The following NCKAP5 variants were observed in gnomAD, a reference collection of about 807,000 sequenced individuals.
NCKAP5 encodes NCK associated protein 5.
A neutral mutation model predicts 167.0 loss-of-function variants in NCKAP5; 92 were observed. The ratio of observed to expected loss-of-function variants is 0.55; its 90% CI spans 0.47 to 0.66. The LOEUF (loss-of-function observed/expected upper bound fraction) is 0.66. NCKAP5 is among the 30% of genes least tolerant of loss of function. NCKAP5 has a pLI of 0.00. For synonymous variants in NCKAP5, 891 were observed against 877.4 expected (o/e 1.02, Z -0.27); for missense variants, 2,378 against 2,315.0 (o/e 1.03, Z -0.56).
intron 3 of NCKAP5, among the ~76,000 whole-genome samples, chr2:133,387,270 G>C (rs1175428776): frequency 6.6e-6 from 1 of 152,146 alleles, no homozygotes; most frequent in African/African-American, 2.4e-5. Flanking sequence ...GCAGTTGCTT[G>C]TCTGTAAAGG....
rs149600646 is a variant in NCKAP5, at chr2:133,479,449, T to A, written c.69+38009A>T. ...CAGTTCTGGTTATTGTCAAAACTGA[T>A]GTTTCTCCACCATGGAAGGGAACAT... On this transcript the variant is annotated intron_variant, in intron 3 of 19. Coordinates refer to ENST00000409261, the MANE Select transcript of NCKAP5 (RefSeq NM_207363.3). 7.5e-4 allele frequency among the ~76,000 whole-genome samples: 114 copies of A among 152,312 alleles called. 1 individual carries two copies. In the East Asian group the frequency reaches 0.02, roughly 27 times the overall value.
intron 4 of NCKAP5, among the ~76,000 whole-genome samples, chr2:133,293,947 A>G (rs1178617579): frequency 1.3e-5 from 2 of 152,180 alleles, no homozygotes; most frequent in Non-Finnish European, 2.9e-5. Context: ...ACAGGGAAAG[A>G]TAATGTGAGG....
At chr2:133,617,265 C>A in the NCKAP5 span, among the ~76,000 whole-genome samples, 1 of 152,176 alleles carries the variant, frequency 6.6e-6, no homozygotes, top group Non-Finnish European at 1.5e-5. Context: ...CCCTCTCTCT[C>A]CACTCCTATT....
intron 6 of NCKAP5, among the ~76,000 whole-genome samples, chr2:133,049,001 C>T (rs1466535890): frequency 2.0e-5 from 3 of 152,144 alleles, no homozygotes; most frequent in African/African-American, 4.8e-5. Flanking sequence ...AAACACACTA[C>T]GATCAACCAG....
At chr2:133,205,459 T>C (rs1054939263) in intron 5 of NCKAP5, among the ~76,000 whole-genome samples, 4 of 152,140 alleles carry the variant, frequency 2.6e-5, no homozygotes, top group African/African-American at 9.7e-5. Flanking sequence ...TACTTCAAGG[T>C]TTTTCATTCT....
At chr2:133,117,374 C>T (rs1322058972) in intron 6 of NCKAP5, 9 of 152,290 alleles carry the variant, frequency 5.9e-5, no homozygotes, top group South Asian at 2.1e-4. Flanking sequence ...CTTAGTCCTT[C>T]GCCTCTCCGG....
intron 4 of NCKAP5, among the ~76,000 whole-genome samples, chr2:133,235,859 G>T (rs2087384995): frequency 6.6e-6 from 1 of 150,590 alleles, no homozygotes; most frequent in South Asian, 2.1e-4. Context: ...AGCCGAGATT[G>T]TGCCATCGCA....
At chr2:132,812,457 CT>C (rs1355265284) in intron 11 of NCKAP5, among the ~76,000 whole-genome samples, 2 of 152,152 alleles carry the variant, frequency 1.3e-5, no homozygotes, top group South Asian at 2.1e-4. Flanking sequence ...AGGACTGCCC[CT>C]ATGGCACCTC....
chr2:133,317,327 G>C (rs1681680508), intron 3 of NCKAP5, among the ~76,000 whole-genome samples: 1 of 152,122 alleles, frequency 6.6e-6, no homozygotes, highest in African/African-American at 2.4e-5. Flanking sequence ...GAGCAGGAGG[G>C]ACCTCTTGGG....
chr2:132,762,735 G>A (rs1681114402), intron 16 of NCKAP5, among the ~76,000 whole-genome samples: 2 of 152,170 alleles, frequency 1.3e-5, no homozygotes, highest in Admixed American at 1.3e-4. Context: ...TCAGTTCCAT[G>A]GCAAGAAAAG....
At chr2:132,804,890 A>G (rs1407627382) in intron 11 of NCKAP5, among the ~76,000 whole-genome samples, 1 of 151,818 alleles carries the variant, frequency 6.6e-6, no homozygotes, top group African/African-American at 2.4e-5. Context: ...TTCTAAGTCC[A>G]AGCTCTTCCT....
chr2:133,635,327 T>C, the NCKAP5 span, among the ~76,000 whole-genome samples: 1 of 152,206 alleles, frequency 6.6e-6, no homozygotes, highest in Non-Finnish European at 1.5e-5. Context: ...CTTTAAAATA[T>C]ATTCATTCAC....
Position 132,782,293 on chromosome 2 carries a change from A to G in NCKAP5, c.4518T>C (p.Phe1506=), listed in dbSNP as rs747020370. 1.2e-6 allele frequency: 2 copies of G among 1,614,056 alleles called. No homozygotes were observed. The highest frequency in any genetic ancestry group is 2.2e-5 in the South Asian group (2 of 91,082). The change falls in exon 14 of 20, where the codon TTT becomes TTC. Residue 1506 remains phenylalanine, a synonymous_variant. Coordinates refer to ENST00000409261, the MANE Select transcript of NCKAP5 (RefSeq NM_207363.3). ...TCTTCCGAAAACCAAACCAGCTGGC[A>G]AAAGAAGGCCCAGGCTTCTGCTTTG... is the stretch of plus-strand genomic sequence containing the variant. ...VEAKQKPGPS[F]ASWFGFRKSR...
At chr2:133,559,465 C>T (rs1688005894) in intron 1 of NCKAP5, among the ~76,000 whole-genome samples, 1 of 152,106 alleles carries the variant, frequency 6.6e-6, no homozygotes, top group Non-Finnish European at 1.5e-5. Context: ...ACTACAGGTG[C>T]ACATCACCAT....
At chr2:132,834,591 G>A (rs1213605340) in intron 11 of NCKAP5, among the ~76,000 whole-genome samples, 7 of 152,032 alleles carry the variant, frequency 4.6e-5, no homozygotes, top group South Asian at 2.1e-4. Context: ...GTGATCTACC[G>A]ACCTCGGCCT....
chr2:133,464,276 AG>A (rs1317868054), intron 3 of NCKAP5, among the ~76,000 whole-genome samples: 1 of 152,248 alleles, frequency 6.6e-6, no homozygotes. Context: ...TTTCACTTAA[AG>A]GAAGTACCTT....
chr2:132,942,319 T>G (rs944622323), intron 8 of NCKAP5, among the ~76,000 whole-genome samples: 3 of 152,128 alleles, frequency 2.0e-5, no homozygotes, highest in Admixed American at 1.3e-4. Context: ...TTAAAAAAAT[T>G]TATTGCTGGC....
chr2:133,072,826 G>A (rs945462669), intron 6 of NCKAP5, among the ~76,000 whole-genome samples: 7 of 152,044 alleles, frequency 4.6e-5, no homozygotes, highest in African/African-American at 1.7e-4. Flanking sequence ...TACACATACG[G>A]TATTTTAATA....
chr2:132,921,037 AT>A (rs888539335), intron 8 of NCKAP5, among the ~76,000 whole-genome samples: 3 of 151,602 alleles, frequency 2.0e-5, no homozygotes, highest in African/African-American at 7.3e-5. Context: ...ATCAAAGTCC[AT>A]CATCAGCAGG....
Sources: allele counts gnomAD v4.1 joint callset (sites outside exome capture counted in the v4.1 genomes callset), GRCh38; gene constraint gnomAD v4.1.1; transcripts MANE v1.5; gene names NCBI Gene and HGNC (gene_info 2026-07-23, HGNC 2026-07-21).